EYA1: variants seen among roughly 807,000 people sequenced by gnomAD.
EYA1 encodes protein phosphatase EYA1.
In EYA1, 16 loss-of-function variants were observed where a neutral mutation model predicts 82.0. That is an observed-to-expected ratio of 0.20 (90% confidence interval 0.13 to 0.30). The LOEUF is 0.30. Ranked by LOEUF, EYA1 falls within the 10% of genes least tolerant of loss-of-function variation. The pLI is 1.00. For synonymous variants in EYA1, 261 were observed against 264.4 expected (o/e 0.99, Z 0.12); for missense variants, 633 against 730.7 (o/e 0.87, Z 1.54).
chr8:71,376,745 ATTC>A (rs1311030930), intron 2 of EYA1, among the ~76,000 whole-genome samples: 3 of 152,178 alleles, frequency 2.0e-5, no homozygotes, highest in Non-Finnish European at 2.9e-5. Flanking sequence ...TGTCATCTCC[ATTC>A]TTCTTTCTGC....
chr8:71,473,753 A>G (rs1809421965), intron 2 of EYA1, among the ~76,000 whole-genome samples: 1 of 152,222 alleles, frequency 6.6e-6, no homozygotes, highest in South Asian at 2.1e-4. Flanking sequence ...ATGCACACGT[A>G]TGTTTATTGC....
intron 2 of EYA1, among the ~76,000 whole-genome samples, chr8:71,379,379 G>T (rs1296116680): frequency 6.6e-6 from 1 of 151,938 alleles, no homozygotes; most frequent in Non-Finnish European, 1.5e-5. Flanking sequence ...TGAGCCCCTG[G>T]GGACTTCAAT....
At chr8:71,496,511 T>C (rs1811424950) in intron 2 of EYA1, among the ~76,000 whole-genome samples, 1 of 152,366 alleles carries the variant, frequency 6.6e-6, no homozygotes, top group South Asian at 2.1e-4. Flanking sequence ...TAAATATTCA[T>C]AGGAAAACAG....
At chr8:71,261,810 T>C (rs906243208) in intron 11 of EYA1, among the ~76,000 whole-genome samples, 4 of 152,142 alleles carry the variant, frequency 2.6e-5, no homozygotes, top group Non-Finnish European at 5.9e-5. Flanking sequence ...AACAGCTAAA[T>C]CCAGTCGAAA....
intron 2 of EYA1, among the ~76,000 whole-genome samples, chr8:71,500,484 G>A (rs1420352848): frequency 6.6e-6 from 1 of 152,054 alleles, no homozygotes; most frequent in Admixed American, 6.6e-5. Flanking sequence ...TAATTTTCCA[G>A]TGGTGTTTCG....
At chr8:71,334,969 A>G (rs1824315623) in intron 3 of EYA1, among the ~76,000 whole-genome samples, 1 of 152,154 alleles carries the variant, frequency 6.6e-6, no homozygotes, top group Admixed American at 6.5e-5. Flanking sequence ...TCCCCTACCA[A>G]AGAGGCAAGC....
chr8:71,267,222 C>T (rs954578137), intron 11 of EYA1, among the ~76,000 whole-genome samples: 1 of 152,218 alleles, frequency 6.6e-6, no homozygotes, highest in African/African-American at 2.4e-5. Flanking sequence ...AACCTGCCTT[C>T]ATCCCTGACC....
chr8:71,369,534 A>G (rs1183811283), intron 2 of EYA1, among the ~76,000 whole-genome samples: 1 of 152,228 alleles, frequency 6.6e-6, no homozygotes, highest in African/African-American at 2.4e-5. Context: ...ACACCTTACC[A>G]AATTGGTATG....
intron 17 of EYA1, among the ~76,000 whole-genome samples, chr8:71,210,404 C>T (rs563148590): frequency 3.3e-5 from 5 of 152,282 alleles, no homozygotes; most frequent in African/African-American, 1.2e-4. Context: ...ACTGACACAA[C>T]TACAGTGTAA....
At chr8:71,229,586 A>G (rs983143679) in intron 12 of EYA1, among the ~76,000 whole-genome samples, 5 of 152,182 alleles carry the variant, frequency 3.3e-5, no homozygotes, top group African/African-American at 1.2e-4. Context: ...AGAATTGATG[A>G]CCCAATCAGT....
At chr8:71,497,299 C>T (rs923832452) in intron 2 of EYA1, among the ~76,000 whole-genome samples, 14 of 152,116 alleles carry the variant, frequency 9.2e-5, no homozygotes, top group Admixed American at 2.0e-4. Flanking sequence ...CATCCTGGGC[C>T]GCATGCAGCC....
At chr8:71,368,026 G>A (rs1014622953) in intron 2 of EYA1, among the ~76,000 whole-genome samples, 1 of 152,164 alleles carries the variant, frequency 6.6e-6, no homozygotes, top group South Asian at 2.1e-4. Flanking sequence ...GTTGAAATGT[G>A]TGATTCATGT....
chr8:71,262,903 A>G (rs907256148), intron 11 of EYA1, among the ~76,000 whole-genome samples: 1 of 152,182 alleles, frequency 6.6e-6, no homozygotes, highest in Admixed American at 6.5e-5. Flanking sequence ...AGACACATAT[A>G]TTATTTCATC....
At chr8:71,331,609 C>T (rs1823879740) in intron 4 of EYA1, among the ~76,000 whole-genome samples, 1 of 151,668 alleles carries the variant, frequency 6.6e-6, no homozygotes, top group South Asian at 2.1e-4. Flanking sequence ...TTTTTAGACC[C>T]ATATACACAG....
chr8:71,490,013 A>G (rs1407357593), intron 2 of EYA1, among the ~76,000 whole-genome samples: 3 of 152,178 alleles, frequency 2.0e-5, no homozygotes, highest in African/African-American at 4.8e-5. Flanking sequence ...TGTGATCTCC[A>G]GGACTGGATC....
chr8:71,269,770 A>G lies in EYA1; in HGVS notation c.1020T>C (p.Leu340=). 2 of 1,613,786 alleles carry G rather than the reference A, an allele frequency of 1.2e-6. No individual in the cohort carries two copies. Among genetic ancestry groups the G allele is most frequent in the Non-Finnish European group, 8.5e-7 (1 of 1,179,770 alleles). ...CATATCTGTTGGCGTAGGACCCAGT[A>G]AGCAAGGAGTGGAAAACAATGATTG... ...DETIIVFHSL[L]TGSYANRYGR... The change falls in exon 11 of 18, where the codon CTT becomes CTC. Residue 340 remains leucine, a synonymous_variant. Coordinates refer to ENST00000340726, the MANE Select transcript of EYA1 (RefSeq NM_000503.6).
rs1806872951 is a variant in EYA1 at position 71,200,705 on chromosome 8, G to A, written c.1699-1285C>T. Among the ~76,000 whole-genome samples the A allele has an allele frequency of 2.0e-5, 3 of 152,232 alleles. No individual in the cohort carries two copies. The East Asian group carries it at 5.8e-4, about 30-fold the overall frequency. ...TCATACAGAGCACACTGTGTCAGGT[G>A]TAGAAGATATAGAGATGCATGTGTC... On this transcript the variant is annotated intron_variant, in intron 17 of 17. Coordinates refer to ENST00000340726, the MANE Select transcript of EYA1 (RefSeq NM_000503.6).
chr8:71,403,912 A>G (rs1830084324), intron 2 of EYA1: 1 of 152,194 alleles, frequency 6.6e-6, no homozygotes, highest in Non-Finnish European at 1.5e-5. Flanking sequence ...GAAGGTTATT[A>G]TCTTTCTTTA....
intron 12 of EYA1, among the ~76,000 whole-genome samples, chr8:71,228,018 G>GT (rs1470510216): frequency 1.3e-5 from 2 of 152,138 alleles, no homozygotes; most frequent in Non-Finnish European, 2.9e-5. Context: ...TAGTTAATAA[G>GT]TTAATAAAGA....
Sources: allele counts gnomAD v4.1 joint callset (sites outside exome capture counted in the v4.1 genomes callset), GRCh38; gene constraint gnomAD v4.1.1; transcripts MANE v1.5; gene names NCBI Gene and HGNC (gene_info 2026-07-23, HGNC 2026-07-21).